The following ROBO1 variants were observed in gnomAD, a reference collection of about 807,000 sequenced individuals.
The protein encoded by ROBO1 is roundabout guidance receptor 1.
Under a neutral mutation model 195.9 loss-of-function variants are expected in ROBO1, and 149 were observed. The ratio of observed to expected loss-of-function variants is 0.76; its 90% CI spans 0.67 to 0.87. The LOEUF (loss-of-function observed/expected upper bound fraction) is 0.87, where lower values mean the gene tolerates loss of function less well. ROBO1 is among the 40% of genes least tolerant of loss of function. The pLI, the probability that ROBO1 is intolerant of heterozygous loss-of-function variation, is 0.00. For synonymous variants in ROBO1, 816 were observed against 733.2 expected, an observed-to-expected ratio of 1.11 and a Z score of -1.82; for missense variants, 1,933 against 2,068.3, an observed-to-expected ratio of 0.93 and a Z score of 1.27.
At chr3:79,187,075 T>C (rs1328319030) in intron 2 of ROBO1, among the ~76,000 whole-genome samples, 7 of 152,096 alleles carry the variant, frequency 4.6e-5, no homozygotes, top group Non-Finnish European at 1.5e-5. Flanking sequence ...GAATGCTGTC[T>C]TCAGATTAGA....
intron 10 of ROBO1, among the ~76,000 whole-genome samples, chr3:78,678,015 G>A (rs1439284152): frequency 1.3e-5 from 2 of 152,148 alleles, no homozygotes; most frequent in East Asian, 1.9e-4. Context: ...TCAGGATTAA[G>A]AAACTCACTC....
intron 8 of ROBO1, among the ~76,000 whole-genome samples, chr3:78,713,889 C>A (rs111990825): frequency 2.6e-5 from 4 of 152,292 alleles, no homozygotes. Flanking sequence ...GCACTCTGTG[C>A]GCACAAAACA....
intron 3 of ROBO1, among the ~76,000 whole-genome samples, chr3:78,974,436 G>A (rs2076841286): frequency 6.6e-6 from 1 of 152,066 alleles, no homozygotes; most frequent in South Asian, 2.1e-4. Flanking sequence ...TTAGACAGAT[G>A]GTGTCAACAG....
At chr3:79,524,575 C>G (rs185774384) in intron 2 of ROBO1, among the ~76,000 whole-genome samples, 1 of 152,144 alleles carries the variant, frequency 6.6e-6, no homozygotes, top group Non-Finnish European at 1.5e-5. Context: ...AAGGGGCTTT[C>G]AGATTTTTAA....
At chr3:79,260,705 A>T (rs2082923572) in intron 2 of ROBO1, among the ~76,000 whole-genome samples, 1 of 152,156 alleles carries the variant, frequency 6.6e-6, no homozygotes, top group Admixed American at 6.6e-5. Context: ...CTTGAGCAGG[A>T]TAAAAGCCAA....
intron 1 of ROBO1, among the ~76,000 whole-genome samples, chr3:79,679,304 C>T (rs949681004): frequency 1.3e-5 from 2 of 151,692 alleles, no homozygotes; most frequent in Non-Finnish European, 2.9e-5. Context: ...TTTATAGCTC[C>T]CTCATTTCTT....
chr3:78,904,980 T>A (rs750421519), intron 4 of ROBO1, among the ~76,000 whole-genome samples: 1 of 152,048 alleles, frequency 6.6e-6, no homozygotes, highest in Non-Finnish European at 1.5e-5. Context: ...TATTCTTTTC[T>A]GTTGGTGGGT....
chr3:78,640,413 G>C (rs1705869434), intron 21 of ROBO1, among the ~76,000 whole-genome samples: 1 of 151,942 alleles, frequency 6.6e-6, no homozygotes, highest in Admixed American at 6.6e-5. Flanking sequence ...AATGAGTTTG[G>C]GGCTCTGTGA....
At chr3:79,631,521 G>A (rs9810528) in intron 1 of ROBO1, among the ~76,000 whole-genome samples, 132,094 of 152,030 alleles carry the variant, frequency 0.87, 57,440 homozygotes, top group East Asian at 0.9. Context: ...AAGACCTGAA[G>A]TTATAAAAAT....
At chr3:78,820,209 C>T (rs868758225) in intron 4 of ROBO1, among the ~76,000 whole-genome samples, 2 of 152,310 alleles carry the variant, frequency 1.3e-5, no homozygotes, top group Middle Eastern at 3.4e-3. Context: ...TCTAAGAAAA[C>T]TCTTCATACT....
intron 2 of ROBO1, among the ~76,000 whole-genome samples, chr3:79,470,470 T>A (rs973934829): frequency 1.3e-5 from 2 of 152,082 alleles, no homozygotes; most frequent in African/African-American, 4.8e-5. Flanking sequence ...AATGACGAGT[T>A]AATGGGTGCA....
intron 3 of ROBO1, among the ~76,000 whole-genome samples, chr3:79,030,869 G>T (rs748199619): frequency 1.3e-5 from 2 of 152,024 alleles, no homozygotes; most frequent in African/African-American, 2.4e-5. Flanking sequence ...TTACAGGCAC[G>T]CACTGCCACA....
At chr3:78,909,180 C>T (rs2107525662) in intron 4 of ROBO1, among the ~76,000 whole-genome samples, 1 of 151,632 alleles carries the variant, frequency 6.6e-6, no homozygotes, top group Non-Finnish European at 1.5e-5. Flanking sequence ...TTGCCTACGC[C>T]CTGCGAGAGT....
intron 2 of ROBO1, among the ~76,000 whole-genome samples, chr3:79,442,160 G>A (rs2107131579): frequency 6.6e-6 from 1 of 152,138 alleles, no homozygotes; most frequent in African/African-American, 2.4e-5. Flanking sequence ...TCTGTCCTTA[G>A]CTTTACATTC....
chr3:79,644,209 C>T lies in ROBO1; in HGVS notation c.-50-54248G>A, dbSNP rs567687567. Reference sequence around the variant, plus strand: ...CATCAGAGTTTCCAAGTATATAAAGCAAACATTAATAGATATAAAGGAAAA... The same window carrying T: ...CATCAGAGTTTCCAAGTATATAAAGTAAACATTAATAGATATAAAGGAAAA... On this transcript the variant is annotated intron_variant, in intron 1 of 30. Transcript: ENST00000464233. Among the ~76,000 whole-genome samples the T allele has an allele frequency of 2.6e-5, 4 of 151,974 alleles. No homozygotes were observed. The East Asian group carries it at 7.7e-4, about 29-fold the overall frequency.
chr3:78,941,897 G>A (rs2040165057), intron 3 of ROBO1, among the ~76,000 whole-genome samples: 1 of 152,192 alleles, frequency 6.6e-6, no homozygotes, highest in Non-Finnish European at 1.5e-5. Context: ...TTAAGCAATG[G>A]ATGAGTATCA....
At chr3:79,553,975 CAGTG>C (rs1942612253) in intron 2 of ROBO1, among the ~76,000 whole-genome samples, 1 of 152,046 alleles carries the variant, frequency 6.6e-6, no homozygotes, top group African/African-American at 2.4e-5. Context: ...ACTGCATAAA[CAGTG>C]AGCTGATGGG....
chr3:79,051,267 T>C (rs1559621890), intron 3 of ROBO1, among the ~76,000 whole-genome samples: 1 of 152,166 alleles, frequency 6.6e-6, no homozygotes, highest in Non-Finnish European at 1.5e-5. Context: ...CATCAGAGAA[T>C]ACTATGAACA....
At chr3:79,214,719 A>T (rs116524185) in intron 2 of ROBO1, among the ~76,000 whole-genome samples, 2,335 of 149,152 alleles carry the variant, frequency 0.016, 46 homozygotes, top group African/African-American at 0.051. Context: ...TAATTGCTAT[A>T]TATATATATT....
Sources: allele counts gnomAD v4.1 joint callset (sites outside exome capture counted in the v4.1 genomes callset), GRCh38; gene constraint gnomAD v4.1.1; transcripts MANE v1.5; gene names NCBI Gene and HGNC (gene_info 2026-07-23, HGNC 2026-07-21).